Variants in TSHZ2 observed in about 807,000 individuals in gnomAD.
TSHZ2 encodes teashirt homolog 2.
Under a neutral mutation model 74.4 loss-of-function variants are expected in TSHZ2, and 21 were observed. That is an observed-to-expected ratio of 0.28 (90% confidence interval 0.20 to 0.41). The LOEUF is 0.41. TSHZ2 is among the 10% of genes least tolerant of loss of function. TSHZ2 has a pLI of 1.00. For synonymous variants in TSHZ2, 540 were observed against 515.3 expected, an observed-to-expected ratio of 1.05 and a Z score of -0.65; for missense variants, 1,244 against 1,293.5, an observed-to-expected ratio of 0.96 and a Z score of 0.59.
At chr20:53,399,691 G>A (rs2145676058) in intron 2 of TSHZ2, 1 of 152,242 alleles carries the variant, frequency 6.6e-6, no homozygotes, top group South Asian at 2.1e-4. Flanking sequence ...TCATGCTGGA[G>A]GAGACCTGGC....
intron 1 of TSHZ2, among the ~76,000 whole-genome samples, chr20:53,014,030 G>A (rs1982945278): frequency 6.6e-6 from 1 of 152,148 alleles, no homozygotes; most frequent in South Asian, 2.1e-4. Context: ...GTCAGCTCAG[G>A]CTGCTGTAAC....
Position 52,985,536 on chromosome 20 carries a change from A to G in TSHZ2, c.40+12203A>G, listed in dbSNP as rs1434189043. Among the ~76,000 whole-genome samples, 5 of 152,340 alleles carry G rather than the reference A, an allele frequency of 3.3e-5. No homozygotes were observed. In the East Asian group the frequency reaches 7.7e-4, roughly 24 times the overall value. ...TTGGGAGAAGTCAAGCATTAATACC[A>G]GTGAAGCACTTCAAATGGTGCTTTG... On this transcript the variant is annotated intron_variant, in intron 1 of 2. Coordinates refer to ENST00000371497, the MANE Select transcript of TSHZ2 (RefSeq NM_173485.6).
intron 2 of TSHZ2, among the ~76,000 whole-genome samples, chr20:53,341,519 C>T (rs547457735): frequency 9.9e-5 from 15 of 151,546 alleles, no homozygotes; most frequent in African/African-American, 3.6e-4. Flanking sequence ...AGATGGGGTC[C>T]TTACTATGTT....
Position 53,416,570 on chromosome 20 carries a change from C to T in TSHZ2, c.*9-70574C>T, listed in dbSNP as rs1047939770. On this transcript the variant is annotated intron_variant, in intron 2 of 2. Coordinates refer to ENST00000371497, the MANE Select transcript of TSHZ2 (RefSeq NM_173485.6). Reference sequence around the variant, plus strand: ...AGTTTCAGGGCACAGTCACACCCATCGTTTACATATTGCTGCCTTAACTCT... The same window carrying T: ...AGTTTCAGGGCACAGTCACACCCATTGTTTACATATTGCTGCCTTAACTCT... Among the ~76,000 whole-genome samples, 6 of 152,236 alleles carry T rather than the reference C, an allele frequency of 3.9e-5. No individual in the cohort carries two copies. In the South Asian group the frequency reaches 6.2e-4, roughly 16 times the overall value.
chr20:52,992,068 C>T (rs1233162337), intron 1 of TSHZ2, among the ~76,000 whole-genome samples: 1 of 152,206 alleles, frequency 6.6e-6, no homozygotes, highest in East Asian at 1.9e-4. Flanking sequence ...GGAAAATTTG[C>T]TCTCAATGGG....
At chr20:53,046,887 T>C (rs1444631818) in intron 1 of TSHZ2, among the ~76,000 whole-genome samples, 2 of 152,204 alleles carry the variant, frequency 1.3e-5, no homozygotes, top group African/African-American at 2.4e-5. Flanking sequence ...TCATGAGCCC[T>C]TAATGCATGT....
rs150500227 is a variant in TSHZ2 at position 53,114,490 on chromosome 20, A to G, written c.41-139009A>G. ...GATCAATGCAAACTATTCCGTATACAGTAAGCACTCCATAAATACTAGCTA... is the reference window on the plus strand; with the variant it reads ...GATCAATGCAAACTATTCCGTATACGGTAAGCACTCCATAAATACTAGCTA... On this transcript the variant is annotated intron_variant, in intron 1 of 2. Transcript: ENST00000371497. Among the ~76,000 whole-genome samples, 1,246 of 152,348 alleles carry G rather than the reference A, an allele frequency of 8.2e-3. 20 individuals carry two copies. Among genetic ancestry groups the G allele is most frequent in the African/African-American group, 0.029 (1,200 of 41,574 alleles).
At chr20:53,291,326 A>G (rs915441428) in intron 2 of TSHZ2, among the ~76,000 whole-genome samples, 41 of 152,078 alleles carry the variant, frequency 2.7e-4, no homozygotes, top group African/African-American at 8.9e-4. Context: ...ACACAAAATT[A>G]GCTGGATATG....
chr20:53,133,372 AC>A (rs1240192353), intron 1 of TSHZ2, among the ~76,000 whole-genome samples: 10 of 152,178 alleles, frequency 6.6e-5, no homozygotes, highest in African/African-American at 2.4e-4. Flanking sequence ...AGGATAAAGC[AC>A]CCAGTTCGAG....
chr20:52,987,406 A>G (rs1222938615), intron 1 of TSHZ2, among the ~76,000 whole-genome samples: 1 of 152,130 alleles, frequency 6.6e-6, no homozygotes, highest in Non-Finnish European at 1.5e-5. Flanking sequence ...GATAACAGGA[A>G]AAAGTACATA....
chr20:53,298,193 C>A (rs1204753311), intron 2 of TSHZ2, among the ~76,000 whole-genome samples: 1 of 152,212 alleles, frequency 6.6e-6, no homozygotes, highest in East Asian at 1.9e-4. Context: ...CCACTATACG[C>A]CAGGTACTCT....
At chr20:53,320,341 A>G (rs1215272457) in intron 2 of TSHZ2, among the ~76,000 whole-genome samples, 1 of 152,220 alleles carries the variant, frequency 6.6e-6, no homozygotes. Flanking sequence ...GGCAGTCTGG[A>G]TCTGCTGGTC....
intron 1 of TSHZ2, among the ~76,000 whole-genome samples, chr20:53,208,888 C>T (rs908731053): frequency 6.6e-6 from 1 of 152,154 alleles, no homozygotes; most frequent in Admixed American, 6.5e-5. Context: ...CGTCTCTGGG[C>T]CCCCTTACTG....
At position 52,978,698 on chromosome 20, in the gene TSHZ2, A is replaced by G. The variant is rs1981444230; in HGVS notation, c.40+5365A>G. On this transcript the variant is annotated intron_variant, in intron 1 of 2. Coordinates refer to ENST00000371497, the MANE Select transcript of TSHZ2 (RefSeq NM_173485.6). The stretch of plus-strand genomic sequence containing the variant: ...ATTACAATCAAACTGAACGACTTTT[A>G]TTAAAAAAATCACAGTGGTATTAAA... Among the ~76,000 whole-genome samples, 5 of 152,330 alleles carry G rather than the reference A, an allele frequency of 3.3e-5. No individual in the cohort carries two copies. The South Asian group carries it at 1.0e-3, about 32-fold the overall frequency.
intron 2 of TSHZ2, among the ~76,000 whole-genome samples, chr20:53,325,791 T>C (rs1447718331): frequency 1.3e-5 from 2 of 152,138 alleles, no homozygotes; most frequent in Non-Finnish European, 2.9e-5. Flanking sequence ...TTGTTTTGTT[T>C]TGTTTTTTGA....
intron 1 of TSHZ2, among the ~76,000 whole-genome samples, chr20:53,129,031 C>G (rs1053959790): frequency 6.6e-6 from 1 of 152,012 alleles, no homozygotes; most frequent in African/African-American, 2.4e-5. Context: ...GCTGTGACCC[C>G]GTACTTACAT....
intron 1 of TSHZ2, among the ~76,000 whole-genome samples, chr20:53,207,684 T>C (rs1209688351): frequency 6.6e-6 from 1 of 151,944 alleles, no homozygotes; most frequent in Non-Finnish European, 1.5e-5. Context: ...TTTATTTTTT[T>C]ATTTATTTTA....
intron 2 of TSHZ2, among the ~76,000 whole-genome samples, chr20:53,365,015 C>A (rs892239739): frequency 6.6e-6 from 1 of 152,238 alleles, no homozygotes; most frequent in Non-Finnish European, 1.5e-5. Context: ...TGCCAACAGG[C>A]AGAACAGCCA....
At chr20:52,973,877 T>C (rs1600623769) in intron 1 of TSHZ2, among the ~76,000 whole-genome samples, 1 of 152,196 alleles carries the variant, frequency 6.6e-6, no homozygotes, top group Non-Finnish European at 1.5e-5. Flanking sequence ...GATGACTCTT[T>C]GCATATATTT....
Sources: gnomAD v4.1 joint callset for allele counts (sites outside exome capture counted in the v4.1 genomes callset) on GRCh38, gnomAD v4.1.1 for gene constraint, MANE v1.5 for transcripts, NCBI Gene and HGNC (gene_info 2026-07-23, HGNC 2026-07-21) for gene names.